ATP8A2: variants seen among roughly 807,000 people sequenced by gnomAD.
ATP8A2 encodes the protein phospholipid-transporting ATPase IB.
Under a neutral mutation model 165.6 loss-of-function variants are expected in ATP8A2, and 100 were observed. That is an observed-to-expected ratio of 0.60 (90% CI 0.51 to 0.71). The LOEUF is 0.71. Ranked by LOEUF, ATP8A2 falls within the 30% of genes least tolerant of loss-of-function variation. The probability of loss-of-function intolerance (pLI) is 0.00; values close to 1 mark genes in which losing one functional copy is unlikely to be tolerated. For missense variants in ATP8A2, 1,227 were observed against 1,479.5 expected, an observed-to-expected ratio of 0.83 and a Z score of 2.80; for synonymous variants, 543 against 548.8, an observed-to-expected ratio of 0.99 and a Z score of 0.15.
At chr13:25,768,369 C>A (rs551277592) in intron 25 of ATP8A2, among the ~76,000 whole-genome samples, 94 of 152,182 alleles carry the variant, frequency 6.2e-4, no homozygotes, top group African/African-American at 2.2e-3. Context: ...TGGAAAGAAC[C>A]CTTCCTATGC....
chr13:25,915,958 T>G (rs1954257478), intron 33 of ATP8A2, among the ~76,000 whole-genome samples: 1 of 152,220 alleles, frequency 6.6e-6, no homozygotes, highest in African/African-American at 2.4e-5. Context: ...TACCAAGAAA[T>G]TTTTCTTTTT....
chr13:25,573,763 G>T (rs1210092683), intron 18 of ATP8A2, among the ~76,000 whole-genome samples: 1 of 152,132 alleles, frequency 6.6e-6, no homozygotes. Context: ...GGAAAGTTAG[G>T]ACAGGCTGTG....
Position 25,633,912 on chromosome 13 carries a change from G to C in ATP8A2, c.2211+44213G>C, listed in dbSNP as rs1489063522. On this transcript the variant is annotated intron_variant, in intron 24 of 36. Coordinates refer to ENST00000381655, the MANE Select transcript of ATP8A2 (RefSeq NM_016529.6). The stretch of plus-strand genomic sequence containing the variant: ...AATGGCTTGAGCCTGGAAGGTTGAG[G>C]CTGCAGCGAGGCAAGATCGTGACAC... Among the ~76,000 whole-genome samples, 5 of 151,920 alleles carry C rather than the reference G, an allele frequency of 3.3e-5. No homozygotes were observed. The East Asian group carries it at 9.7e-4, about 29-fold the overall frequency.
At chr13:25,723,430 G>A in intron 25 of ATP8A2, among the ~76,000 whole-genome samples, 1 of 152,128 alleles carries the variant, frequency 6.6e-6, no homozygotes, top group East Asian at 1.9e-4. Flanking sequence ...CTTTAGCAAT[G>A]TGTTTTTGCC....
chr13:25,924,580 G>T (rs1447852807), intron 33 of ATP8A2, among the ~76,000 whole-genome samples: 1 of 152,062 alleles, frequency 6.6e-6, no homozygotes, highest in Non-Finnish European at 1.5e-5. Context: ...TATCTGCAAT[G>T]ACCCTATTTC....
chr13:25,639,169 C>T (rs766499878), intron 24 of ATP8A2, among the ~76,000 whole-genome samples: 3 of 152,152 alleles, frequency 2.0e-5, no homozygotes, highest in African/African-American at 7.2e-5. Context: ...TAAAGACCAT[C>T]GATGCTAGGA....
At chr13:25,663,106 T>C (rs1483971335) in intron 24 of ATP8A2, among the ~76,000 whole-genome samples, 1 of 152,148 alleles carries the variant, frequency 6.6e-6, no homozygotes, top group African/African-American at 2.4e-5. Context: ...TTTGAGGACA[T>C]TAAGGCTCAG....
In ATP8A2 at chr13:25,584,818, T is replaced by C. The variant is rs183743715; in HGVS notation, c.2146+2861T>C. ...TTCCAAGGTGCACATTGTTTTTACA[T>C]TTTAATGTCTCTGAAATGGGGATGT... is the stretch of plus-strand genomic sequence containing the variant. On this transcript the variant is annotated intron_variant, in intron 23 of 36. Coordinates refer to ENST00000381655, the MANE Select transcript of ATP8A2 (RefSeq NM_016529.6). Among the ~76,000 whole-genome samples, 345 of 152,322 alleles carry C rather than the reference T, an allele frequency of 2.3e-3. 1 individual carries two copies. The highest frequency in any genetic ancestry group is 7.8e-3 in the African/African-American group (326 of 41,580).
chr13:25,784,208 A>G (rs2044963177), intron 27 of ATP8A2, among the ~76,000 whole-genome samples: 1 of 151,886 alleles, frequency 6.6e-6, no homozygotes. Flanking sequence ...TTGGAACTCT[A>G]TAAAATGTTT....
At chr13:25,472,477 A>T (rs2137537564) in intron 2 of ATP8A2, among the ~76,000 whole-genome samples, 1 of 152,224 alleles carries the variant, frequency 6.6e-6, no homozygotes, top group Non-Finnish European at 1.5e-5. Context: ...ATATTATTTT[A>T]GCACTTTAAT....
intron 1 of ATP8A2, among the ~76,000 whole-genome samples, chr13:25,411,668 T>A (rs1421294932): frequency 6.6e-6 from 1 of 152,204 alleles, no homozygotes; most frequent in Non-Finnish European, 1.5e-5. Context: ...TTCCATTTTA[T>A]GTTAAAAAGT....
chr13:25,452,027 G>T (rs1260205428), intron 1 of ATP8A2, among the ~76,000 whole-genome samples: 14 of 151,974 alleles, frequency 9.2e-5, no homozygotes, highest in African/African-American at 3.4e-4. Context: ...GTTATTTTTT[G>T]TATTTTTAGT....
chr13:25,464,002 G>A (rs566537734), intron 1 of ATP8A2, among the ~76,000 whole-genome samples: 20 of 152,086 alleles, frequency 1.3e-4, no homozygotes, highest in East Asian at 3.9e-4. Context: ...CTCCAACCCC[G>A]GGCAGAAACT....
chr13:25,809,424 G>A (rs1124646), intron 27 of ATP8A2, among the ~76,000 whole-genome samples: 4,985 of 152,260 alleles, frequency 0.033, 276 homozygotes, highest in Admixed American at 0.14. Context: ...AAAGAGAGCT[G>A]TTGATTCTTT....
At chr13:25,619,928 T>A (rs2040927508) in intron 24 of ATP8A2, among the ~76,000 whole-genome samples, 1 of 152,228 alleles carries the variant, frequency 6.6e-6, no homozygotes, top group Non-Finnish European at 1.5e-5. Flanking sequence ...CGTAGTTTAC[T>A]GACCCCAATC....
chr13:25,815,305 T>C (rs1401549282), intron 27 of ATP8A2, among the ~76,000 whole-genome samples: 1 of 152,098 alleles, frequency 6.6e-6, no homozygotes, highest in Non-Finnish European at 1.5e-5. Flanking sequence ...ATATATCCGA[T>C]AAGAGATTAA....
At chr13:25,561,107 G>A (rs2039138810) in intron 15 of ATP8A2, among the ~76,000 whole-genome samples, 2 of 152,046 alleles carry the variant, frequency 1.3e-5, no homozygotes, top group African/African-American at 4.8e-5. Context: ...GGATGGTCTT[G>A]ATCTCCTGAC....
intron 13 of ATP8A2, among the ~76,000 whole-genome samples, chr13:25,555,696 G>C (rs1031638896): frequency 6.6e-6 from 1 of 151,898 alleles, no homozygotes; most frequent in Non-Finnish European, 1.5e-5. Context: ...ATATTATGTG[G>C]TGCTGAGGTT....
intron 1 of ATP8A2, among the ~76,000 whole-genome samples, chr13:25,387,184 G>A (rs1021304060): frequency 3.9e-5 from 6 of 152,154 alleles, no homozygotes; most frequent in Non-Finnish European, 8.8e-5. Flanking sequence ...AAGCAATCAA[G>A]GATTTCCAGG....
Sources: allele counts gnomAD v4.1 joint callset (sites outside exome capture counted in the v4.1 genomes callset), GRCh38; gene constraint gnomAD v4.1.1; transcripts MANE v1.5; gene names NCBI Gene and HGNC (gene_info 2026-07-23, HGNC 2026-07-21).